MAGI3: variants seen among roughly 807,000 people sequenced by gnomAD.
The protein encoded by MAGI3 is membrane associated guanylate kinase, WW and PDZ domain containing 3, also known as membrane-associated guanylate kinase, WW and PDZ domain-containing protein 3.
MAGI3 carries 43 observed loss-of-function variants against 121.8 expected under a neutral mutation model. The ratio of observed to expected loss-of-function variants is 0.35; its 90% CI spans 0.28 to 0.46. MAGI3 has a LOEUF of 0.46. Ranked by LOEUF, MAGI3 falls within the 20% of genes least tolerant of loss-of-function variation. The pLI, the probability that MAGI3 is intolerant of heterozygous loss-of-function variation, is 1.00. For synonymous variants in MAGI3, 553 were observed against 639.3 expected, an observed-to-expected ratio of 0.86 and a Z score of 2.04; for missense variants, 1,547 against 1,797.3, an observed-to-expected ratio of 0.86 and a Z score of 2.52.
At chr1:113,461,348 A>G (rs1357656165) in intron 1 of MAGI3, among the ~76,000 whole-genome samples, 2 of 152,228 alleles carry the variant, frequency 1.3e-5, no homozygotes, top group Non-Finnish European at 2.9e-5. Flanking sequence ...ACAAGGTTAC[A>G]GTCACCAGAA....
At chr1:113,553,703 A>G (rs1022870460) in intron 2 of MAGI3, among the ~76,000 whole-genome samples, 11 of 152,302 alleles carry the variant, frequency 7.2e-5, no homozygotes, top group Admixed American at 2.0e-4. Context: ...AAAGAAGTAA[A>G]TCAACACTCT....
rs138614927 is a variant in MAGI3 at position 113,615,960 on chromosome 1, A to G, written c.1076+1302A>G. ...TTTTCTTCCCCTCAAAGTTTAGTCT[A>G]TTTAAATTGGGCTCTAATCAGCTAT... On this transcript the variant is annotated intron_variant, in intron 7 of 20. Transcript: ENST00000307546. Among the ~76,000 whole-genome samples, 403 of 152,238 alleles carry G rather than the reference A, an allele frequency of 2.6e-3. 2 individuals are homozygous for G. Among genetic ancestry groups the G allele is most frequent in the Non-Finnish European group, 4.3e-3 (293 of 67,986 alleles).
rs1273751710 is a variant in MAGI3 at position 113,665,527 on chromosome 1, C to CA, written c.2816-6199dup. On this transcript the variant is annotated intron_variant, in intron 16 of 20. Coordinates refer to ENST00000307546, the MANE Select transcript of MAGI3 (RefSeq NM_001142782.2). ...TTTAGAACAAATTATTAAGCTCCTC[C>CA]AAAAAAAATCAAAGTGCAGTTTTTT... Among the ~76,000 whole-genome samples, 5 of 151,436 alleles carry CA rather than the reference C, an allele frequency of 3.3e-5. No individual in the cohort carries two copies. In the South Asian group the frequency reaches 6.3e-4, roughly 19 times the overall value.
At chr1:113,634,218 T>C (rs1348268973) in intron 9 of MAGI3, among the ~76,000 whole-genome samples, 1 of 152,140 alleles carries the variant, frequency 6.6e-6, no homozygotes, top group Non-Finnish European at 1.5e-5. Context: ...TTTCTTTTGC[T>C]GTGCAGAAGC....
intron 1 of MAGI3, among the ~76,000 whole-genome samples, chr1:113,546,766 C>G (rs938969593): frequency 1.3e-5 from 2 of 151,830 alleles, no homozygotes; most frequent in Non-Finnish European, 2.9e-5. Context: ...GCCTCTGAGT[C>G]TTAAGATCTT....
rs572884082 is a variant in MAGI3, at chr1:113,683,583, A to G, written c.4015A>G (p.Lys1339Glu). 6.2e-7 allele frequency: 1 copy of G among 1,613,990 alleles called. No homozygotes were observed. Among genetic ancestry groups the G allele is most frequent in the South Asian group, 1.1e-5 (1 of 91,090 alleles). ...GAAGGAAAAATCAGACGTCATCAGG[A>G]AAGATGCAAAGCAGAATCAGTTGGA... is the stretch of plus-strand genomic sequence containing the variant. ...DGKEKSDVIR[K>E]DAKQNQLEKS... Residue 1339 changes from lysine to glutamate, a missense_variant, in exon 21 of 21, where the codon AAA (lysine) becomes GAA (glutamate). By Grantham distance (56) the Lys-to-Glu change is moderately conservative (BLOSUM62 1). Transcript: ENST00000307546.
intron 1 of MAGI3, among the ~76,000 whole-genome samples, chr1:113,407,731 C>T (rs1188480022): frequency 6.6e-6 from 1 of 152,048 alleles, no homozygotes; most frequent in African/African-American, 2.4e-5. Flanking sequence ...CTAGGATCAG[C>T]ATGCAGGTTA....
chr1:113,600,233 A>G (rs1029763162), intron 6 of MAGI3, among the ~76,000 whole-genome samples: 1 of 152,214 alleles, frequency 6.6e-6, no homozygotes. Flanking sequence ...GCAATTAGGC[A>G]GGAGAAGGAA....
chr1:113,483,266 T>A (rs1656198908), intron 1 of MAGI3, among the ~76,000 whole-genome samples: 2 of 152,230 alleles, frequency 1.3e-5, no homozygotes, highest in Admixed American at 1.3e-4. Flanking sequence ...TCTTTCTTTT[T>A]AGAGGTTGCT....
At chr1:113,598,650 C>A (rs1649172563) in intron 6 of MAGI3, among the ~76,000 whole-genome samples, 1 of 151,204 alleles carries the variant, frequency 6.6e-6, no homozygotes. Context: ...ATATATATAC[C>A]CCTAACTCTA....
At chr1:113,393,254 T>C (rs1396651334) in intron 1 of MAGI3, among the ~76,000 whole-genome samples, 1 of 152,160 alleles carries the variant, frequency 6.6e-6, no homozygotes, top group Non-Finnish European at 1.5e-5. Flanking sequence ...AGTAATACAG[T>C]TTTGCCCTCT....
intron 1 of MAGI3, among the ~76,000 whole-genome samples, chr1:113,411,719 G>T (rs559953232): frequency 1.5e-4 from 22 of 143,810 alleles, no homozygotes; most frequent in South Asian, 4.4e-4. Flanking sequence ...TAATTTTTTG[G>T]TTTTTTTTTT....
intron 1 of MAGI3, among the ~76,000 whole-genome samples, chr1:113,544,319 G>C (rs186913796): frequency 1.3e-5 from 2 of 152,200 alleles, no homozygotes; most frequent in African/African-American, 2.4e-5. Flanking sequence ...AATATTGGTT[G>C]TGTGTTGATG....
intron 1 of MAGI3, among the ~76,000 whole-genome samples, chr1:113,529,901 C>T (rs1297511130): frequency 6.6e-6 from 1 of 151,776 alleles, no homozygotes; most frequent in African/African-American, 2.4e-5. Flanking sequence ...AATATTTTCA[C>T]CAGAAAATTC....
chr1:113,651,939 T>C (rs1011498877), intron 14 of MAGI3, among the ~76,000 whole-genome samples: 1 of 152,218 alleles, frequency 6.6e-6, no homozygotes, highest in Non-Finnish European at 1.5e-5. Flanking sequence ...TGAGAAGTTT[T>C]AGTATAATTT....
At chr1:113,650,727 A>G (rs754581516) in intron 13 of MAGI3, among the ~76,000 whole-genome samples, 3 of 152,186 alleles carry the variant, frequency 2.0e-5, no homozygotes, top group Non-Finnish European at 4.4e-5. Context: ...CATTGTAATG[A>G]TAGGGATAAT....
intron 1 of MAGI3, among the ~76,000 whole-genome samples, chr1:113,474,613 A>G (rs145079213): frequency 7.2e-5 from 11 of 152,008 alleles, no homozygotes; most frequent in East Asian, 3.8e-4. Context: ...GTTCTGTTCC[A>G]TTGGTCTATA....
chr1:113,475,775 T>G (rs1249648996), intron 1 of MAGI3, among the ~76,000 whole-genome samples: 1 of 152,228 alleles, frequency 6.6e-6, no homozygotes, highest in Non-Finnish European at 1.5e-5. Flanking sequence ...TCTTTTTCTA[T>G]TGATTGGAAT....
intron 1 of MAGI3, among the ~76,000 whole-genome samples, chr1:113,446,359 A>G (rs1043199665): frequency 6.6e-5 from 10 of 152,206 alleles, no homozygotes; most frequent in African/African-American, 2.2e-4. Flanking sequence ...CCCCATAGTA[A>G]CCACAAAGAA....
Sources: gnomAD v4.1 joint callset for allele counts (sites outside exome capture counted in the v4.1 genomes callset) on GRCh38, gnomAD v4.1.1 for gene constraint, MANE v1.5 for transcripts, NCBI Gene and HGNC (gene_info 2026-07-23, HGNC 2026-07-21) for gene names.